PCDH7: variants seen among roughly 807,000 people sequenced by gnomAD.
The protein encoded by PCDH7 is protocadherin 7, also known as protocadherin-7.
PCDH7 carries 17 observed loss-of-function variants against 58.9 expected under a neutral mutation model. The ratio of observed to expected loss-of-function variants is 0.29; its 90% CI spans 0.20 to 0.43. The LOEUF (loss-of-function observed/expected upper bound fraction) is 0.43. Ranked by LOEUF, PCDH7 falls within the 20% of genes least tolerant of loss-of-function variation. The pLI is 1.00. For missense variants in PCDH7, 1,274 were observed against 1,441.0 expected (o/e 0.88, Z 1.88); for synonymous variants, 664 against 616.4 (o/e 1.08, Z -1.14).
intron 1 of PCDH7, among the ~76,000 whole-genome samples, chr4:30,870,724 C>G (rs1029187297): frequency 6.6e-6 from 1 of 152,108 alleles, no homozygotes; most frequent in Non-Finnish European, 1.5e-5. Context: ...CACTTGGAAG[C>G]CATTGTTTGC....
At position 30,721,276 on chromosome 4, in the gene PCDH7, T is replaced by C. The variant is rs1713465035; in HGVS notation, c.-147T>C. ...ATTCCCGGCCAACTCTCCACGCCGCTTTTGCCCCCTCCCTCCCCTCCCTCT... is the reference window on the plus strand; with the variant it reads ...ATTCCCGGCCAACTCTCCACGCCGCCTTTGCCCCCTCCCTCCCCTCCCTCT... On this transcript the variant is annotated 5_prime_UTR_variant, in exon 1 of 2. Coordinates refer to ENST00000361762, the Ensembl canonical transcript of PCDH7. This position sits in a 1 kb window ranked among gnomAD's most constrained non-coding sequence, Gnocchi z 6.7. The C allele has an allele frequency of 1.3e-6, 1 of 747,852 alleles. No individual in the cohort carries two copies. The highest frequency in any genetic ancestry group is 2.0e-6 in the Non-Finnish European group (1 of 488,468). The allele number at this position is 747,852 out of a possible 1,614,324, so 46.3% of individuals were successfully genotyped here.
intron 1 of PCDH7, among the ~76,000 whole-genome samples, chr4:30,867,817 G>C (rs1578105625): frequency 1.3e-5 from 2 of 152,052 alleles, no homozygotes; most frequent in Non-Finnish European, 2.9e-5. Flanking sequence ...ATTCAAAAGA[G>C]ATACTTGCAT....
chr4:30,959,169 C>G (rs970901584), intron 3 of PCDH7, among the ~76,000 whole-genome samples: 2 of 151,916 alleles, frequency 1.3e-5, no homozygotes, highest in African/African-American at 2.4e-5. Context: ...ATGAGATTCA[C>G]TGATGAGAAT....
chr4:31,007,180 A>G (rs917809314), intron 3 of PCDH7, among the ~76,000 whole-genome samples: 2 of 152,180 alleles, frequency 1.3e-5, no homozygotes, highest in Non-Finnish European at 2.9e-5. Flanking sequence ...TTGGAGAATT[A>G]TTTAATCTCT....
At chr4:31,056,317 G>A (rs1288842015) in intron 3 of PCDH7, among the ~76,000 whole-genome samples, 2 of 150,890 alleles carry the variant, frequency 1.3e-5, no homozygotes, top group Non-Finnish European at 2.9e-5. Context: ...GTAGTAAGCC[G>A]TAATAGTGTC....
chr4:30,744,334 T>C (rs1019777046), intron 1 of PCDH7, among the ~76,000 whole-genome samples: 1 of 152,182 alleles, frequency 6.6e-6, no homozygotes, highest in East Asian at 1.9e-4. Flanking sequence ...TAAAGGTCAG[T>C]AAAAGCAAAA....
chr4:31,032,640 G>A (rs1434703940), intron 3 of PCDH7, among the ~76,000 whole-genome samples: 1 of 118,750 alleles, frequency 8.4e-6, no homozygotes, highest in African/African-American at 3.3e-5. Context: ...GAGAAAGAAA[G>A]CGACAGAGAG....
chr4:30,946,013 G>A (rs1031833979), intron 2 of PCDH7, among the ~76,000 whole-genome samples: 2 of 152,152 alleles, frequency 1.3e-5, no homozygotes, highest in South Asian at 2.1e-4. Flanking sequence ...CTAAAGCATG[G>A]CCTCCCCTGA....
At chr4:30,777,197 T>G (rs1722178802) in intron 1 of PCDH7, among the ~76,000 whole-genome samples, 1 of 152,168 alleles carries the variant, frequency 6.6e-6, no homozygotes, top group African/African-American at 2.4e-5. Flanking sequence ...TCCTTCTTTG[T>G]GAAATGTGGT....
intron 1 of PCDH7, among the ~76,000 whole-genome samples, chr4:30,729,351 A>T (rs1195768496): frequency 6.6e-6 from 1 of 152,038 alleles, no homozygotes; most frequent in Non-Finnish European, 1.5e-5. Flanking sequence ...TCTTTACAAT[A>T]GACTATAATT....
chr4:31,117,260 T>C (rs866742948), intron 3 of PCDH7, among the ~76,000 whole-genome samples: 4 of 152,266 alleles, frequency 2.6e-5, no homozygotes, highest in Middle Eastern at 6.8e-3. Context: ...CTGGAATCTG[T>C]CTTAAGCAAA....
At chr4:30,748,338 A>G (rs1038375214) in intron 1 of PCDH7, among the ~76,000 whole-genome samples, 1 of 152,200 alleles carries the variant, frequency 6.6e-6, no homozygotes, top group African/African-American at 2.4e-5. Flanking sequence ...GTGCTGTAAC[A>G]GAATGCCACA....
chr4:30,821,874 A>C (rs1728418925), intron 1 of PCDH7, among the ~76,000 whole-genome samples: 1 of 152,180 alleles, frequency 6.6e-6, no homozygotes, highest in Admixed American at 6.5e-5. Context: ...ATACTGATGT[A>C]ACAAGAATAG....
At position 30,851,094 on chromosome 4, in the gene PCDH7, A is replaced by G. The variant is rs546192645; in HGVS notation, c.71-69059A>G. Among the ~76,000 whole-genome samples the G allele has an allele frequency of 1.9e-3, 284 of 152,146 alleles. 2 individuals carry two copies. Among genetic ancestry groups the G allele is most frequent in the Non-Finnish European group, 2.8e-3 (190 of 68,004 alleles). On this transcript the variant is annotated intron_variant, in intron 1 of 3. Transcript: ENST00000509759. ...GTTTAAGGTGAGTGACATGTTCTTC[A>G]TAACCTTGCAGCTTTCCTGTAGACC...
chr4:30,842,177 T>A (rs1210183934), intron 1 of PCDH7, among the ~76,000 whole-genome samples: 2 of 152,138 alleles, frequency 1.3e-5, no homozygotes, highest in Non-Finnish European at 2.9e-5. Context: ...GGCAGAGGTA[T>A]AAATTTATTG....
intron 1 of PCDH7, among the ~76,000 whole-genome samples, chr4:30,851,907 A>T (rs766501786): frequency 3.1e-4 from 47 of 152,252 alleles, no homozygotes; most frequent in Admixed American, 2.6e-4. Flanking sequence ...ACATATACAC[A>T]CAAAATCAAC....
intron 1 of PCDH7, among the ~76,000 whole-genome samples, chr4:30,850,141 G>C (rs770507660): frequency 5.3e-5 from 8 of 152,026 alleles, no homozygotes; most frequent in Non-Finnish European, 1.2e-4. Context: ...TTTATTACAA[G>C]TACAACTGAA....
downstream of PCDH7, among the ~76,000 whole-genome samples, chr4:30,737,439 G>T (rs528921234): frequency 2.0e-5 from 3 of 152,244 alleles, no homozygotes; most frequent in East Asian, 5.8e-4. Context: ...GATCGCTTGA[G>T]CCCAGGAGGT....
chr4:30,846,377 C>G (rs1731948997), intron 1 of PCDH7, among the ~76,000 whole-genome samples: 1 of 152,102 alleles, frequency 6.6e-6, no homozygotes, highest in Non-Finnish European at 1.5e-5. Flanking sequence ...CTCCCCCTCT[C>G]TTGTACTCTC....
Sources: allele counts gnomAD v4.1 joint callset (sites outside exome capture counted in the v4.1 genomes callset), GRCh38; gene constraint gnomAD v4.1.1; non-coding constraint Gnocchi (gnomAD v3.1); transcripts MANE v1.5; gene names NCBI Gene and HGNC (gene_info 2026-07-23, HGNC 2026-07-21).